The following MBD4 variants were observed in gnomAD, a reference collection of about 807,000 sequenced individuals.
MBD4 encodes methyl-CpG-binding domain protein 4.
In MBD4, 53 loss-of-function variants were observed where a neutral mutation model predicts 60.2. The observed-to-expected ratio is 0.88, with a 90% CI of 0.71 to 1.11. The LOEUF is 1.11. Ranked by LOEUF, MBD4 falls within the 50% of genes least tolerant of loss-of-function variation. MBD4 has a pLI of 0.00. For missense variants in MBD4, 619 were observed against 674.0 expected, an observed-to-expected ratio of 0.92 and a Z score of 0.90; for synonymous variants, 231 against 229.8, an observed-to-expected ratio of 1.01 and a Z score of -0.05.
chr3:129,434,857 C>G (rs1243308755), intron 3 of MBD4, among the ~76,000 whole-genome samples: 1 of 152,156 alleles, frequency 6.6e-6, no homozygotes, highest in Non-Finnish European at 1.5e-5. Flanking sequence ...CCTAGAACAC[C>G]TGAGACAACT....
At position 129,437,735 on chromosome 3, in the gene MBD4, T is replaced by A. The variant is rs747995938; in HGVS notation, c.320A>T (p.Asp107Val). 3.1e-6 allele frequency: 5 copies of A among 1,613,260 alleles called. No homozygotes were observed. In the African/African-American group the frequency reaches 6.7e-5, roughly 22 times the overall value. ...RLFGKTAGRF[D>V]VYFISPQGLK... The stretch of plus-strand genomic sequence containing the variant: ...ATATGCTTACCTGATAAAGTACACA[T>A]CAAATCTTCCTGCTGTCTTCCCAAA... The change falls in exon 2 of 8, where the codon GAT becomes GTT. Residue 107 changes from aspartate (D) to valine (V), a missense_variant. Transcript: ENST00000429544.
intron 2 of MBD4, 27 bp from the exon 3 acceptor site, chr3:129,437,335 A>G (rs376712208): frequency 1.7e-5 from 27 of 1,580,884 alleles, no homozygotes; most frequent in Non-Finnish European, 2.2e-5. Flanking sequence ...AAGGAAACTT[A>G]CTGCTAGTAA....
chr3:129,435,928 C>T (rs1044671145), intron 3 of MBD4, among the ~76,000 whole-genome samples: 1 of 152,130 alleles, frequency 6.6e-6, no homozygotes, highest in Non-Finnish European at 1.5e-5. Flanking sequence ...AGAAGCATTA[C>T]ATTAAAATAG....
rs773141837 is a variant in MBD4 at position 129,434,047 on chromosome 3, T to C, written c.1258+15A>G. 2.5e-6 allele frequency: 4 copies of C among 1,614,138 alleles called. No homozygotes were observed. The highest frequency in any genetic ancestry group is 2.2e-5 in the East Asian group (1 of 44,880). On this transcript the variant is annotated intron_variant, in intron 4 of 7. Coordinates refer to ENST00000429544, the MANE Select transcript of MBD4 (RefSeq NM_001276270.2). Reference sequence around the variant, plus strand: ...ATGGAATTAGAATTTGCTGTTCTGATTGGGAAAGGGATACCTTCTTTGTTA... The same window carrying C: ...ATGGAATTAGAATTTGCTGTTCTGACTGGGAAAGGGATACCTTCTTTGTTA...
chr3:129,438,921 G>A (rs3138338), intron 1 of MBD4, among the ~76,000 whole-genome samples: 19,990 of 151,608 alleles, frequency 0.13, 1,671 homozygotes, highest in South Asian at 0.24. Context: ...GTGACAGAGC[G>A]AGACCTCATC....
At chr3:129,435,438 A>C (rs895510092) in intron 3 of MBD4, among the ~76,000 whole-genome samples, 2 of 152,228 alleles carry the variant, frequency 1.3e-5, no homozygotes, top group Non-Finnish European at 1.5e-5. Context: ...CACAAAAAAA[A>C]GTTTTTAATA....
rs760799565 is a variant in MBD4, at chr3:129,437,888, T to A, written c.167A>T (p.Lys56Ile). ...CAAGGGATTACATTCACTGCTTCTT[T>A]TTATCATCATTTGTTCCTCATCTTC... ...VGEDEEQMMI[K>I]RSSECNPLLQ... Residue 56 changes from lysine to isoleucine, a missense_variant, in exon 2 of 8, where the codon AAA becomes ATA. Coordinates refer to ENST00000429544, the MANE Select transcript of MBD4 (RefSeq NM_001276270.2). 4 of 1,614,068 alleles carry A rather than the reference T, an allele frequency of 2.5e-6. No individual in the cohort carries two copies. The South Asian group carries it at 4.4e-5, about 18-fold the overall frequency.
Position 129,432,595 on chromosome 3 carries a change from T to G in MBD4, c.1555A>C (p.Thr519Pro), listed in dbSNP as rs2072370617. ...TCAATTGGATACTTCCACTGCTTTG[T>G]CAGGTATTCATCTGAAGAATACAAC... ...TIVKFSDEYL[T>P]KQWKYPIELH... Residue 519 changes from threonine to proline, a missense_variant, in exon 7 of 8, where the codon ACA (threonine) becomes CCA (proline). Coordinates refer to ENST00000429544, the MANE Select transcript of MBD4 (RefSeq NM_001276270.2). The G allele has an allele frequency of 6.2e-6, 10 of 1,614,180 alleles. No homozygotes were observed. The highest frequency in any genetic ancestry group is 7.6e-6 in the Non-Finnish European group (9 of 1,180,010).
chr3:129,434,007 A>G (rs780093626), intron 4 of MBD4, 23 bp from the exon 5 acceptor site: 1 of 1,614,134 alleles, frequency 6.2e-7, no homozygotes, highest in South Asian at 1.1e-5. Flanking sequence ...AGTGCATCAG[A>G]ATTGAAAACC....
In MBD4 at chr3:129,436,885, G is replaced by A. The variant is rs924813642; in HGVS notation, c.759C>T (p.Ser253=). Residue 253 remains serine (S), a synonymous_variant, in exon 3 of 8, where the codon AGC becomes AGT. Transcript: ENST00000429544. Reference sequence around the variant, plus strand: ...TATCACTTTGAACAAAACCTGAACAGCTCTTCCTACATCCTTTTTTAGTTT... The same window carrying A: ...TATCACTTTGAACAAAACCTGAACAACTCTTCCTACATCCTTTTTTAGTTT... ...IKKTKKGCRK[S]CSGFVQSDSK... is the part of the protein sequence containing the mutation. 1.9e-6 allele frequency: 3 copies of A among 1,613,948 alleles called. No homozygotes were observed. The African/African-American group carries it at 4.0e-5, about 22-fold the overall frequency.
chr3:129,431,774 T>C (rs908684661), intron 7 of MBD4, among the ~76,000 whole-genome samples, 196 bp from the exon 8 acceptor site: 4 of 152,186 alleles, frequency 2.6e-5, no homozygotes, highest in Non-Finnish European at 4.4e-5. Flanking sequence ...CTCACACAAT[T>C]TACAAGGTAC....
Position 129,439,854 on chromosome 3 carries a change from C to T in MBD4, c.-21G>A, listed in dbSNP as rs1324932725. 10 of 1,547,874 alleles carry T rather than the reference C, an allele frequency of 6.5e-6. No homozygotes were observed. In the East Asian group the frequency reaches 2.2e-4, roughly 35 times the overall value. On this transcript the variant is annotated 5_prime_UTR_variant, in exon 1 of 8. Transcript: ENST00000429544. ...CCCATCGAGCAGGGTCCGGCTGCAG[C>T]AACGAGCCCAGCGCCGCAACGCCCA...
chr3:129,437,533 A>C (rs1043405032), intron 2 of MBD4, among the ~76,000 whole-genome samples, 187 bp downstream of exon 2: 1 of 152,104 alleles, frequency 6.6e-6, no homozygotes, highest in Non-Finnish European at 1.5e-5. Context: ...CCATTCACAG[A>C]AGGAGGGACA....
chr3:129,434,165 AGTCTATG>A, intron 3 of MBD4, 29 bp from the exon 4 acceptor site: 1 of 1,564,712 alleles, frequency 6.4e-7, no homozygotes, highest in Non-Finnish European at 8.8e-7. Context: ...CACTTTATGG[AGTCTATG>A]GTTTAGCTTA....
In MBD4 at chr3:129,436,437, G is replaced by T; in HGVS notation, c.1183+24C>A. 6.2e-7 allele frequency: 1 copy of T among 1,613,312 alleles called. No individual in the cohort carries two copies. The highest frequency in any genetic ancestry group is 8.5e-7 in the Non-Finnish European group (1 of 1,179,894). On this transcript the variant is annotated intron_variant, in intron 3 of 7. Coordinates refer to ENST00000429544, the MANE Select transcript of MBD4 (RefSeq NM_001276270.2). ...ATGTTTAATAGTGCTTGAAAGCACT[G>T]GATACCTTGAAATATTTTCTCACCA...
intron 1 of MBD4, among the ~76,000 whole-genome samples, chr3:129,439,440 C>T (rs1469711112): frequency 1.3e-5 from 2 of 152,192 alleles, no homozygotes; most frequent in African/African-American, 4.8e-5. Flanking sequence ...CTATCACACA[C>T]GTAGTCTAAT....
At chr3:129,432,459 T>C in intron 7 of MBD4, 44 bp downstream of exon 7, 1 of 1,614,170 alleles carries the variant, frequency 6.2e-7, no homozygotes, top group Non-Finnish European at 8.5e-7. Context: ...TTATTTTGCC[T>C]CAGAGACCAA....
intron 3 of MBD4, among the ~76,000 whole-genome samples, chr3:129,435,512 T>C (rs904326389): frequency 6.6e-6 from 1 of 152,214 alleles, no homozygotes; most frequent in African/African-American, 2.4e-5. Context: ...AAGCTCAGTG[T>C]CTAGGACACA....
chr3:129,435,887 T>A (rs1446202675), intron 3 of MBD4, among the ~76,000 whole-genome samples: 1 of 152,226 alleles, frequency 6.6e-6, no homozygotes, highest in Admixed American at 6.5e-5. Context: ...GATTATACTT[T>A]TGAATTATTT....
Sources: allele counts gnomAD v4.1 joint callset (sites outside exome capture counted in the v4.1 genomes callset), GRCh38; gene constraint gnomAD v4.1.1; transcripts MANE v1.5; gene names NCBI Gene and HGNC (gene_info 2026-07-23, HGNC 2026-07-21).